Variants in AMOTL1 observed in about 807,000 individuals in gnomAD.
The protein encoded by AMOTL1 is angiomotin-like protein 1.
A neutral mutation model predicts 102.9 loss-of-function variants in AMOTL1; 45 were observed. The ratio of observed to expected loss-of-function variants is 0.44; its 90% CI spans 0.34 to 0.56. AMOTL1 has a LOEUF of 0.56. AMOTL1 is among the 20% of genes least tolerant of loss of function. AMOTL1 has a pLI of 0.01. For synonymous variants in AMOTL1, 481 were observed against 484.7 expected, an observed-to-expected ratio of 0.99 and a Z score of 0.10; for missense variants, 1,114 against 1,225.6, an observed-to-expected ratio of 0.91 and a Z score of 1.36.
At chr11:94,778,827 G>T (rs1951064807) in intron 1 of AMOTL1, among the ~76,000 whole-genome samples, 1 of 152,140 alleles carries the variant, frequency 6.6e-6, no homozygotes, top group Non-Finnish European at 1.5e-5. Flanking sequence ...TTGAAGGCTA[G>T]GTCTGCAGAC....
At chr11:94,769,643 C>A (rs1950916305) in intron 1 of AMOTL1, among the ~76,000 whole-genome samples, 1 of 152,132 alleles carries the variant, frequency 6.6e-6, no homozygotes, top group Non-Finnish European at 1.5e-5. Context: ...CTCCGCGTGG[C>A]AAATACCTTT....
At chr11:94,779,626 G>A (rs1048906109) in intron 1 of AMOTL1, among the ~76,000 whole-genome samples, 7 of 152,090 alleles carry the variant, frequency 4.6e-5, no homozygotes, top group Admixed American at 6.5e-5. Flanking sequence ...ACATTGTACC[G>A]TGAGACCCCT....
intron 3 of AMOTL1, 121 bp downstream of exon 3, chr11:94,800,432 T>C: frequency 8.7e-7 from 1 of 1,153,120 alleles, no homozygotes; most frequent in East Asian, 2.4e-5. Context: ...TTATGCATGA[T>C]ATTTAATAAA....
Position 94,838,492 on chromosome 11 carries a change from T to C in AMOTL1, c.1648+6951T>C, listed in dbSNP as rs1270890206. Among the ~76,000 whole-genome samples, 6 of 152,306 alleles carry C rather than the reference T, an allele frequency of 3.9e-5. No individual in the cohort carries two copies. The East Asian group carries it at 1.2e-3, about 29-fold the overall frequency. Reference sequence around the variant, plus strand: ...TGTCCCTGTAGCCCCAAAGCCACCATAGATGATCCATAAACAAATGGGTGT... The same window carrying C: ...TGTCCCTGTAGCCCCAAAGCCACCACAGATGATCCATAAACAAATGGGTGT... On this transcript the variant is annotated intron_variant, in intron 6 of 12. Coordinates refer to ENST00000433060, the MANE Select transcript of AMOTL1 (RefSeq NM_130847.3).
At chr11:94,711,256 C>T (rs1167025630) in intron 1 of AMOTL1, among the ~76,000 whole-genome samples, 1 of 152,098 alleles carries the variant, frequency 6.6e-6, no homozygotes, top group Non-Finnish European at 1.5e-5. Flanking sequence ...ATCATGCAAA[C>T]ACTCTGGCTG....
intron 7 of AMOTL1, 53 bp from the exon 8 acceptor site, chr11:94,853,880 T>A (rs1252199089): frequency 2.5e-6 from 4 of 1,575,610 alleles, no homozygotes; most frequent in Non-Finnish European, 2.6e-6. Context: ...CCACCCCAGC[T>A]TTGAGAATCA....
At chr11:94,864,694 G>C in intron 9 of AMOTL1, 41 bp from the exon 10 acceptor site, 1 of 1,596,984 alleles carries the variant, frequency 6.3e-7, no homozygotes, top group Non-Finnish European at 8.5e-7. Flanking sequence ...GACAAAGCAA[G>C]AAGGTTTCCT....
intron 3 of AMOTL1, among the ~76,000 whole-genome samples, chr11:94,762,665 C>A (rs1441636398): frequency 6.6e-6 from 1 of 152,210 alleles, no homozygotes; most frequent in Non-Finnish European, 1.5e-5. Context: ...ATATTTACAG[C>A]TGGTCTGTCT....
Position 94,817,775 on chromosome 11 carries a change from T to G in AMOTL1, c.1122-3755T>G, listed in dbSNP as rs137876821. Among the ~76,000 whole-genome samples the G allele has an allele frequency of 5.8e-4, 89 of 152,316 alleles. 1 individual carries two copies. Among genetic ancestry groups the G allele is most frequent in the African/African-American group, 2.1e-3 (87 of 41,578 alleles). On this transcript the variant is annotated intron_variant, in intron 3 of 12. Coordinates refer to ENST00000433060, the MANE Select transcript of AMOTL1 (RefSeq NM_130847.3). ...AACTTTGGAGACTGTGACACTAGAA[T>G]AGAGGAAAAACTTGCAAGACTCCCA...
chr11:94,730,785 T>A (rs1950336875), intron 2 of AMOTL1, among the ~76,000 whole-genome samples: 1 of 152,190 alleles, frequency 6.6e-6, no homozygotes, highest in Non-Finnish European at 1.5e-5. Flanking sequence ...CAACTGCTTC[T>A]GGCACCACCA....
At position 94,853,968 on chromosome 11, in the gene AMOTL1, G is replaced by C; in HGVS notation, c.1830G>C (p.Glu610Asp). 1 of 1,608,070 alleles carries C rather than the reference G, an allele frequency of 6.2e-7. No individual in the cohort carries two copies. The highest frequency in any genetic ancestry group is 2.2e-5 in the East Asian group (1 of 44,722). ...AGCAAGCATATGTTGAGAAAGTTGAGAAGCTGCAGCAGGCCCTGACCCAGC... is the reference window on the plus strand; with the variant it reads ...AGCAAGCATATGTTGAGAAAGTTGACAAGCTGCAGCAGGCCCTGACCCAGC... ...REKQAYVEKV[E>D]KLQQALTQLQ... The change falls in exon 8 of 13, where the codon GAG becomes GAC. Residue 610 changes from glutamate to aspartate, a missense_variant. By Grantham distance (45) the Glu-to-Asp change is conservative. Transcript: ENST00000433060.
intron 3 of AMOTL1, among the ~76,000 whole-genome samples, chr11:94,808,010 C>T (rs1951597563): frequency 8.1e-6 from 1 of 123,830 alleles, no homozygotes. Context: ...AATCACTAAG[C>T]CAAAGGGAAA....
chr11:94,826,917 C>G (rs1461280834), intron 4 of AMOTL1, among the ~76,000 whole-genome samples: 2 of 152,088 alleles, frequency 1.3e-5, no homozygotes, highest in Non-Finnish European at 2.9e-5. Flanking sequence ...AGCAGATAAC[C>G]TTATGTCAGG....
chr11:94,870,462 T>A (rs1177478627), intron 12 of AMOTL1, among the ~76,000 whole-genome samples: 1 of 152,128 alleles, frequency 6.6e-6, no homozygotes, highest in Non-Finnish European at 1.5e-5. Context: ...CCCACTGTCA[T>A]CCTCACCTTC....
chr11:94,824,407 A>G (rs58529725), intron 4 of AMOTL1, among the ~76,000 whole-genome samples: 36,882 of 152,112 alleles, frequency 0.24, 5,096 homozygotes, highest in East Asian at 0.46. Context: ...GTGACGTTAC[A>G]TGAGGACTTA....
intron 3 of AMOTL1, among the ~76,000 whole-genome samples, chr11:94,753,467 G>A (rs144580738): frequency 4.4e-4 from 67 of 152,138 alleles, no homozygotes; most frequent in African/African-American, 1.6e-3. Context: ...TTTATTAAAT[G>A]CATTATAATA....
rs1952733893 is a variant in AMOTL1, at chr11:94,859,596, G to A, written c.2016G>A (p.Glu672=). The change falls in exon 9 of 13, where the codon GAG becomes GAA. Residue 672 remains glutamate, a synonymous_variant. Transcript: ENST00000433060. The stretch of plus-strand genomic sequence containing the variant: ...CAGCCCTCCTGGAACTTGTGCGGGA[G>A]AAGGAGGAGCGGATCCTGGCCCTGG... ...NAPALLELVR[E]KEERILALEA... The A allele has an allele frequency of 6.2e-7, 1 of 1,613,954 alleles. No homozygotes were observed.
At chr11:94,841,129 A>G (rs960342072) in intron 6 of AMOTL1, among the ~76,000 whole-genome samples, 1 of 152,092 alleles carries the variant, frequency 6.6e-6, no homozygotes, top group Non-Finnish European at 1.5e-5. Flanking sequence ...TAGAAGTGTC[A>G]GTTTTTTATG....
intron 3 of AMOTL1, among the ~76,000 whole-genome samples, chr11:94,757,228 A>T (rs942987006): frequency 6.6e-6 from 1 of 152,178 alleles, no homozygotes; most frequent in Non-Finnish European, 1.5e-5. Flanking sequence ...ACAGGTTAAT[A>T]ATAGTTAATA....
Sources: allele counts gnomAD v4.1 joint callset (sites outside exome capture counted in the v4.1 genomes callset), GRCh38; gene constraint gnomAD v4.1.1; transcripts MANE v1.5; gene names NCBI Gene and HGNC (gene_info 2026-07-23, HGNC 2026-07-21).